The following HSD11B1L variants were observed in gnomAD, a reference collection of about 807,000 sequenced individuals.
HSD11B1L encodes the protein hydroxysteroid 11-beta-dehydrogenase 1-like protein.
HSD11B1L carries 22 observed loss-of-function variants against 27.0 expected under a neutral mutation model. That is an observed-to-expected ratio of 0.81 (90% CI 0.58 to 1.16). The LOEUF is 1.16. HSD11B1L is among the 50% of genes most tolerant of loss of function. HSD11B1L has a pLI of 0.00. For missense variants in HSD11B1L, 372 were observed against 401.8 expected, an observed-to-expected ratio of 0.93 and a Z score of 0.63; for synonymous variants, 187 against 189.2, an observed-to-expected ratio of 0.99 and a Z score of 0.09.
rs2054700351 is a variant in HSD11B1L, at chr19:5,686,652, G to T, written c.316+125G>T. The T allele has an allele frequency of 1.7e-5, 13 of 776,188 alleles. No individual in the cohort carries two copies. The South Asian group carries it at 2.4e-4, about 14-fold the overall frequency. 48.1% of individuals were successfully genotyped at this position (776,188 alleles called of 1,614,324 possible). On this transcript the variant is annotated intron_variant, in intron 4 of 7. Transcript: ENST00000339423. ...CTCAGGGCGGAGACAAATGGGGACT[G>T]GGGGCGTGGGCGGGGTGGAGTCTCA...
In HSD11B1L at chr19:5,685,063, G is replaced by A. The variant is rs1374923316; in HGVS notation, c.148G>A (p.Ala50Thr). 3 of 1,555,238 alleles carry A rather than the reference G, an allele frequency of 1.9e-6. No homozygotes were observed. Among genetic ancestry groups the A allele is most frequent in the South Asian group, 1.2e-5 (1 of 84,902 alleles). Residue 50 changes from alanine (A) to threonine (T), a missense_variant, in exon 3 of 8, where the codon GCG (alanine) becomes ACG (threonine). By Grantham distance (58) the Ala-to-Thr change is moderately conservative. Transcript: ENST00000339423. This position sits in a 1 kb window ranked among gnomAD's most constrained non-coding sequence, Gnocchi z 4.3. ...GVGEELAYHY[A>T]RLGSHLVLTA... ...TGGTGAGGAGCTGGCCTATCACTAC[G>A]CGCGTCTGGGCTCCCACCTGGTGCT...
At chr19:5,686,814 G>C in intron 4 of HSD11B1L, 86 bp from the exon 5 acceptor site, 1 of 1,163,036 alleles carries the variant, frequency 8.6e-7, no homozygotes, top group Non-Finnish European at 1.2e-6. Context: ...CTGGACCAGC[G>C]CTCTGGGTGG....
rs761716785 is a variant in HSD11B1L at position 5,687,637 on chromosome 19, C to G, written c.637C>G (p.Arg213Gly). The change falls in exon 7 of 8, where the codon CGA becomes GGA. Residue 213 changes from arginine (R) to glycine (G), a missense_variant. By Grantham distance (125) the Arg-to-Gly change is moderately radical. Transcript: ENST00000339423. The surrounding 1 kb of genome is among the most constrained non-coding windows in gnomAD (Gnocchi z 6.6). ...VAITMCVLGL[R>G]DRASAAEAVR... ...CATCACCATGTGCGTCCTGGGCCTC[C>G]GAGATCGCGCCTCCGCCGCCGAGGC... 1.9e-6 allele frequency: 3 copies of G among 1,593,690 alleles called. No individual in the cohort carries two copies. Among genetic ancestry groups the G allele is most frequent in the South Asian group, 1.1e-5 (1 of 89,624 alleles).
chr19:5,687,776 C>T lies in HSD11B1L; in HGVS notation c.692C>T (p.Ala231Val). 3 of 1,482,220 alleles carry T rather than the reference C, an allele frequency of 2.0e-6. 1 individual carries two copies. Among genetic ancestry groups the T allele is most frequent in the South Asian group, 2.7e-5 (2 of 72,734 alleles). 91.8% of individuals were successfully genotyped at this position (1,482,220 alleles called of 1,614,324 possible). The change falls in exon 8 of 8, where the codon GCC becomes GTC. Residue 231 changes from alanine to valine, a missense_variant. By Grantham distance (64) the Ala-to-Val change is moderately conservative (BLOSUM62 0). Coordinates refer to ENST00000339423, the MANE Select transcript of HSD11B1L (RefSeq NM_198706.3). This position sits in a 1 kb window ranked among gnomAD's most constrained non-coding sequence, Gnocchi z 6.6. ...AVRGVTRVKA[A>V]PGPKAALAVI... ...AGGGGAGTCACGAGGGTCAAGGCGG[C>T]CCCGGGGCCCAAGGCAGCCCTGGCC...
Position 5,687,960 on chromosome 19 carries a change from C to G in HSD11B1L, c.*15C>G. On this transcript the variant is annotated 3_prime_UTR_variant, in exon 8 of 8. Coordinates refer to ENST00000339423, the MANE Select transcript of HSD11B1L (RefSeq NM_198706.3). The surrounding 1 kb of genome is among the most constrained non-coding windows in gnomAD (Gnocchi z 6.6). ...CGGCAGCCTGAGCACCGGGGGGTGC[C>G]CCTCCAGTCCCAGACGGCAATGTTC... 6.4e-7 allele frequency: 1 copy of G among 1,556,794 alleles called. No homozygotes were observed. Among genetic ancestry groups the G allele is most frequent in the Non-Finnish European group, 8.7e-7 (1 of 1,149,754 alleles).
chr19:5,682,582 G>A (rs2054584467), intron 1 of HSD11B1L, among the ~76,000 whole-genome samples: 1 of 152,082 alleles, frequency 6.6e-6, no homozygotes, highest in South Asian at 2.1e-4. Context: ...CTGTGATGGT[G>A]AGCTGGGAAG....
chr19:5,685,643 C>G lies in HSD11B1L; in HGVS notation c.204+524C>G, dbSNP rs984725277. 6.0e-6 allele frequency: 1 copy of G among 167,502 alleles called. No homozygotes were observed. The highest frequency in any genetic ancestry group is 1.8e-4 in the East Asian group (1 of 5,606). The allele number at this position is 167,502 out of a possible 1,614,324, so 10.4% of individuals were successfully genotyped here. A position where few individuals can be genotyped will look rare whatever the true frequency, so the allele number is the denominator to read the frequency against. On this transcript the variant is annotated intron_variant, in intron 3 of 7. Transcript: ENST00000339423. The surrounding 1 kb of genome is among the most constrained non-coding windows in gnomAD (Gnocchi z 4.3). ...ATCCCAGCTACTGGGGAGGCTGAGGCGGGAGAATTGCTGGAACCCGGGAGG... is the reference window on the plus strand; with the variant it reads ...ATCCCAGCTACTGGGGAGGCTGAGGGGGGAGAATTGCTGGAACCCGGGAGG...
Position 5,687,951 on chromosome 19 carries a change from G to A in HSD11B1L, c.*6G>A. 3.9e-6 allele frequency: 6 copies of A among 1,558,416 alleles called. No homozygotes were observed. Among genetic ancestry groups the A allele is most frequent in the South Asian group, 1.2e-5 (1 of 85,210 alleles). ...TCACGGCCGCGGCAGCCTGAGCACC[G>A]GGGGGTGCCCCTCCAGTCCCAGACG... is the stretch of plus-strand genomic sequence containing the variant. On this transcript the variant is annotated 3_prime_UTR_variant, in exon 8 of 8. Transcript: ENST00000339423. This position sits in a 1 kb window ranked among gnomAD's most constrained non-coding sequence, Gnocchi z 6.6.
intron 1 of HSD11B1L, chr19:5,683,951 T>G: frequency 2.5e-6 from 1 of 398,580 alleles, no homozygotes; most frequent in Non-Finnish European, 4.4e-6. Flanking sequence ...GGCCCTCACT[T>G]GAAGGAGGTC....
In HSD11B1L at chr19:5,685,816, A is replaced by T. The variant is rs2054675801; in HGVS notation, c.205-600A>T. Among the ~76,000 whole-genome samples the T allele has an allele frequency of 6.6e-6, 1 of 152,114 alleles. No individual in the cohort carries two copies. The highest frequency in any genetic ancestry group is 1.5e-5 in the Non-Finnish European group (1 of 68,038). On this transcript the variant is annotated intron_variant, in intron 3 of 7. Coordinates refer to ENST00000339423, the MANE Select transcript of HSD11B1L (RefSeq NM_198706.3). This position sits in a 1 kb window ranked among gnomAD's most constrained non-coding sequence, Gnocchi z 4.3. ...CTACATGGGAGGCTGAGTCAGGAGA[A>T]TCACTTGAACCCCGGAGGCAGAGGT...
chr19:5,687,772 G>C lies in HSD11B1L; in HGVS notation c.688G>C (p.Ala230Pro). ...EAVRGVTRVKAAPGPKAALAV... is the reference protein window; with the variant it reads ...EAVRGVTRVKPAPGPKAALAV... The stretch of plus-strand genomic sequence containing the variant: ...CCCCAGGGGAGTCACGAGGGTCAAG[G>C]CGGCCCCGGGGCCCAAGGCAGCCCT... The change falls in exon 8 of 8, where the codon GCG (alanine) becomes CCG (proline). Residue 230 changes from alanine to proline, a missense_variant. Coordinates refer to ENST00000339423, the MANE Select transcript of HSD11B1L (RefSeq NM_198706.3). The surrounding 1 kb of genome is among the most constrained non-coding windows in gnomAD (Gnocchi z 6.6). The C allele has an allele frequency of 6.7e-7, 1 of 1,482,486 alleles. No homozygotes were observed. Among genetic ancestry groups the C allele is most frequent in the Non-Finnish European group, 8.9e-7 (1 of 1,123,300 alleles). The allele number at this position is 1,482,486 out of a possible 1,614,324, so 91.8% of individuals were successfully genotyped here.
Position 5,685,255 on chromosome 19 carries a change from G to T in HSD11B1L, c.204+136G>T. On this transcript the variant is annotated intron_variant, in intron 3 of 7. Transcript: ENST00000339423. The surrounding 1 kb of genome is among the most constrained non-coding windows in gnomAD (Gnocchi z 4.3). The stretch of plus-strand genomic sequence containing the variant: ...TCGCCTAACCTCTCTGAGCCTCTCA[G>T]TTTCCTCATTTGCAAAACGGGGACA... 8.3e-7 allele frequency: 1 copy of T among 1,200,182 alleles called. No homozygotes were observed. Among genetic ancestry groups the T allele is most frequent in the South Asian group, 1.3e-5 (1 of 76,952 alleles). The allele number at this position is 1,200,182 out of a possible 1,614,324, so 74.3% of individuals were successfully genotyped here. A position where few individuals can be genotyped will look rare whatever the true frequency, so the allele number is the denominator to read the frequency against.
At position 5,687,498 on chromosome 19, in the gene HSD11B1L, C is replaced by G. The variant is rs181338024; in HGVS notation, c.503-5C>G. On this transcript the variant is annotated splice_region_variant and splice_polypyrimidine_tract_variant and intron_variant, in intron 6 of 7. Coordinates refer to ENST00000339423, the MANE Select transcript of HSD11B1L (RefSeq NM_198706.3). This position sits in a 1 kb window ranked among gnomAD's most constrained non-coding sequence, Gnocchi z 6.6. ...CCACTCAGCCGCTGCCGTCCGCGCC[C>G]CCAGGCCGCGTGCCCACGTCGTTCT... The G allele has an allele frequency of 3.0e-3, 4,760 of 1,595,048 alleles. 213 individuals are homozygous for G. In the Admixed American group the frequency reaches 0.073, roughly 24 times the overall value.
At position 5,687,292 on chromosome 19, in the gene HSD11B1L, T is replaced by A. The variant is rs750489209; in HGVS notation, c.419T>A (p.Val140Glu). 1 of 1,611,768 alleles carries A rather than the reference T, an allele frequency of 6.2e-7. No homozygotes were observed. Among genetic ancestry groups the A allele is most frequent in the Admixed American group, 1.7e-5 (1 of 60,022 alleles). Residue 140 changes from valine (V) to glutamate (E), a missense_variant, in exon 6 of 8, where the codon GTG (valine) becomes GAG (glutamate). By Grantham distance (121) the Val-to-Glu change is moderately radical. Transcript: ENST00000339423. The surrounding 1 kb of genome is among the most constrained non-coding windows in gnomAD (Gnocchi z 6.6). ...GAGTGCCGCCTGCAGGTAAACTTTG[T>A]GAGCTACGTGCAACTGACGTCGCGG... ...ATRWLMQVNF[V>E]SYVQLTSRAL...
rs754078307 is a variant in HSD11B1L at position 5,687,037 on chromosome 19, A to G, written c.408+46A>G. 4.3e-5 allele frequency: 64 copies of G among 1,471,274 alleles called. No individual in the cohort carries two copies. Among genetic ancestry groups the G allele is most frequent in the Non-Finnish European group, 5.8e-5 (63 of 1,086,546 alleles). 91.1% of individuals were successfully genotyped at this position (1,471,274 alleles called of 1,614,324 possible). A position where few individuals can be genotyped will look rare whatever the true frequency, so the allele number is the denominator to read the frequency against. On this transcript the variant is annotated intron_variant, in intron 5 of 7. Transcript: ENST00000339423. The surrounding 1 kb of genome is among the most constrained non-coding windows in gnomAD (Gnocchi z 6.6). ...CCCGGCCCGCCCCTCTATCTCAGGG[A>G]CCGGTGGTCCGTTCCCTTCGCGGTC...
chr19:5,685,212 C>T lies in HSD11B1L; in HGVS notation c.204+93C>T, dbSNP rs903452522. ...AATCCCTGCAATGATCCAGGCTTCC[C>T]GTGTGACCTTGGGCAAGTCGCCTAA... is the stretch of plus-strand genomic sequence containing the variant. On this transcript the variant is annotated intron_variant, in intron 3 of 7. Transcript: ENST00000339423. The surrounding 1 kb of genome is among the most constrained non-coding windows in gnomAD (Gnocchi z 4.3). 1.3e-5 allele frequency: 19 copies of T among 1,479,782 alleles called. No homozygotes were observed. In the East Asian group the frequency reaches 1.5e-4, roughly 11 times the overall value. The allele number at this position is 1,479,782 out of a possible 1,614,324, so 91.7% of individuals were successfully genotyped here.
chr19:5,686,291 TG>T, intron 3 of HSD11B1L, 124 bp from the exon 4 acceptor site: 1 of 648,966 alleles, frequency 1.5e-6, no homozygotes. Flanking sequence ...TGATGTTGAA[TG>T]GGTCCCGAGG....
chr19:5,684,732 G>A, intron 1 of HSD11B1L, 87 bp from the exon 2 acceptor site: 1 of 1,594,306 alleles, frequency 6.3e-7, no homozygotes, highest in Non-Finnish European at 8.5e-7. Context: ...GTGGATCCAA[G>A]GCGGTGGCAT....
Position 5,686,836 on chromosome 19 carries a change from G to A in HSD11B1L, c.317-64G>A. 12 of 1,356,756 alleles carry A rather than the reference G, an allele frequency of 8.8e-6. 1 individual carries two copies. In the South Asian group the frequency reaches 1.5e-4, roughly 17 times the overall value. The allele number at this position is 1,356,756 out of a possible 1,614,324, so 84.0% of individuals were successfully genotyped here. ...AGCGCTCTGGGTGGAGCTAAGCTCG[G>A]GGGCGGGGTTTGATCGTTTCCTTGG... On this transcript the variant is annotated intron_variant, in intron 4 of 7. Transcript: ENST00000339423.
Sources: allele counts gnomAD v4.1 joint callset (sites outside exome capture counted in the v4.1 genomes callset), GRCh38; gene constraint gnomAD v4.1.1; non-coding constraint Gnocchi (gnomAD v3.1); transcripts MANE v1.5; gene names NCBI Gene and HGNC (gene_info 2026-07-23, HGNC 2026-07-21).